WDFY4: variants seen among roughly 807,000 people sequenced by gnomAD.
WDFY4 encodes WDFY family member 4, also known as WD repeat- and FYVE domain-containing protein 4.
Under a neutral mutation model 351.9 loss-of-function variants are expected in WDFY4, and 169 were observed. The observed-to-expected ratio is 0.48, with a 90% CI of 0.42 to 0.55. The LOEUF is 0.55. Among genes scored for constraint, WDFY4 ranks in the 20% least tolerant of loss-of-function variants. The pLI, the probability that WDFY4 is intolerant of heterozygous loss-of-function variation, is 0.00. For missense variants in WDFY4, 3,803 were observed against 3,935.6 expected, an observed-to-expected ratio of 0.97 and a Z score of 0.90; for synonymous variants, 1,622 against 1,574.6, an observed-to-expected ratio of 1.03 and a Z score of -0.71.
At chr10:48,812,948 C>T (rs1219349002) in intron 30 of WDFY4, among the ~76,000 whole-genome samples, 1 of 152,178 alleles carries the variant, frequency 6.6e-6, no homozygotes, top group Non-Finnish European at 1.5e-5. Flanking sequence ...TCCCTCAGCA[C>T]TCAGCTTAGA....
At chr10:48,864,263 T>C (rs945557450) in intron 39 of WDFY4, among the ~76,000 whole-genome samples, 1 of 152,244 alleles carries the variant, frequency 6.6e-6, no homozygotes, top group Non-Finnish European at 1.5e-5. Flanking sequence ...TTTTTGTATG[T>C]TATGCAGTAA....
At chr10:48,812,179 C>CTTTTTTTTTTTT (rs1355851618) in intron 30 of WDFY4, among the ~76,000 whole-genome samples, 8 of 134,558 alleles carry the variant, frequency 5.9e-5, no homozygotes, top group African/African-American at 1.9e-4. Context: ...TCTTTCTTTT[C>CTTTTTTTTTTTT]TTTTTTTTTT....
chr10:48,843,317 GA>G (rs1320217218), intron 39 of WDFY4, among the ~76,000 whole-genome samples: 1 of 152,124 alleles, frequency 6.6e-6, no homozygotes, highest in Non-Finnish European at 1.5e-5. Context: ...TGTGATTGAG[GA>G]AAAAATTGAG....
In WDFY4 at chr10:48,850,800, C is replaced by T. The variant is rs183786146; in HGVS notation, c.6664-16465C>T. 1.7e-3 allele frequency among the ~76,000 whole-genome samples: 259 copies of T among 152,306 alleles called. 2 individuals carry two copies. Among genetic ancestry groups the T allele is most frequent in the African/African-American group, 5.8e-3 (240 of 41,566 alleles). ...GAGCTGAAAAAGAGAGATTAGCAGA[C>T]TGCTGTCAAGCTTCTGCACATCTCT... On this transcript the variant is annotated intron_variant, in intron 39 of 61. Transcript: ENST00000325239.
intron 47 of WDFY4, among the ~76,000 whole-genome samples, chr10:48,904,978 C>T (rs910747616): frequency 2.0e-5 from 3 of 152,136 alleles, no homozygotes; most frequent in East Asian, 1.9e-4. Context: ...AGTTCCAAGC[C>T]GCAGCACTCA....
intron 47 of WDFY4, among the ~76,000 whole-genome samples, chr10:48,933,953 G>A (rs1446415622): frequency 4.6e-5 from 7 of 152,216 alleles, no homozygotes; most frequent in African/African-American, 1.7e-4. Context: ...CCAAGCACCA[G>A]GCACTAACAA....
chr10:48,776,902 A>T lies in WDFY4; in HGVS notation c.3016A>T (p.Thr1006Ser), dbSNP rs1369180675. Residue 1006 changes from threonine to serine, a missense_variant, in exon 16 of 62, where the codon ACC becomes TCC. By Grantham distance (58) the Thr-to-Ser change is moderately conservative. This residue lies in a region of WDFY4 where 3,054 missense variants were observed against 3,148.6 expected (regional missense o/e 0.97). Coordinates refer to ENST00000325239, the MANE Select transcript of WDFY4 (RefSeq NM_001394531.1). ...GACGGCGCTGAGCCTCATCTCCATG[A>T]CCTCCCCACGCAACCTGCAGCCTCA... ...LQTALSLISM[T>S]SPRNLQPQRA... 1.9e-6 allele frequency: 3 copies of T among 1,551,276 alleles called. No homozygotes were observed. Among genetic ancestry groups the T allele is most frequent in the Non-Finnish European group, 1.7e-6 (2 of 1,146,922 alleles).
intron 44 of WDFY4, among the ~76,000 whole-genome samples, chr10:48,896,106 C>T (rs546331826): frequency 6.6e-6 from 1 of 152,344 alleles, no homozygotes; most frequent in East Asian, 1.9e-4. Flanking sequence ...TGTGACTGAG[C>T]AATCGCTTCA....
At chr10:48,837,930 G>A (rs2068460259) in intron 39 of WDFY4, among the ~76,000 whole-genome samples, 1 of 152,230 alleles carries the variant, frequency 6.6e-6, no homozygotes, top group Admixed American at 6.5e-5. Flanking sequence ...TGCCAGCAAA[G>A]ATTGGGGGAC....
chr10:48,874,059 T>A (rs1331285382), intron 41 of WDFY4, among the ~76,000 whole-genome samples: 1 of 152,250 alleles, frequency 6.6e-6, no homozygotes, highest in East Asian at 1.9e-4. Flanking sequence ...GGCTATTGTC[T>A]GCTCGCACAA....
intron 20 of WDFY4, among the ~76,000 whole-genome samples, chr10:48,788,158 G>T (rs946619003): frequency 2.6e-5 from 4 of 151,784 alleles, no homozygotes; most frequent in Non-Finnish European, 5.9e-5. Context: ...CTGCCAAGTA[G>T]CTGGGACTAC....
intron 19 of WDFY4, among the ~76,000 whole-genome samples, chr10:48,785,425 T>C (rs780388323): frequency 1.3e-5 from 2 of 152,244 alleles, no homozygotes; most frequent in Non-Finnish European, 2.9e-5. Flanking sequence ...TAGTCCTAGA[T>C]CCTGAAGATA....
At chr10:48,978,678 C>G (rs1328415321) in intron 60 of WDFY4, 1 of 329,662 alleles carries the variant, frequency 3.0e-6, no homozygotes, top group Admixed American at 4.7e-5. Flanking sequence ...CAGGTACAAA[C>G]CTCCCCATCA....
intron 1 of WDFY4, among the ~76,000 whole-genome samples, chr10:48,705,474 C>A (rs984245295): frequency 2.0e-5 from 3 of 152,140 alleles, no homozygotes; most frequent in Non-Finnish European, 2.9e-5. Flanking sequence ...AGGTGGGGCA[C>A]TTCTTGAGAA....
At chr10:48,714,576 TC>T (rs2063849789) in intron 2 of WDFY4, among the ~76,000 whole-genome samples, 1 of 152,216 alleles carries the variant, frequency 6.6e-6, no homozygotes, top group Non-Finnish European at 1.5e-5. Context: ...AAGAAGGTGT[TC>T]TTCTAGCAAT....
chr10:48,696,759 C>A (rs1032023435), intron 1 of WDFY4, among the ~76,000 whole-genome samples: 22 of 152,194 alleles, frequency 1.4e-4, no homozygotes, highest in African/African-American at 4.1e-4. Flanking sequence ...TTAAGAGCTT[C>A]GAGGCAGCAA....
intron 2 of WDFY4, among the ~76,000 whole-genome samples, chr10:48,710,542 A>G (rs7912944): frequency 0.2 from 31,133 of 152,154 alleles, 3,279 homozygotes; most frequent in Middle Eastern, 0.27. Context: ...AAAAAATATT[A>G]CATTGTTCCA....
rs201363175 is a variant in WDFY4, at chr10:48,877,221, G to T, written c.7167+22G>T. 7 of 1,542,788 alleles carry T rather than the reference G, an allele frequency of 4.5e-6. No homozygotes were observed. The Admixed American group carries it at 8.0e-5, about 18-fold the overall frequency. On this transcript the variant is annotated intron_variant, in intron 43 of 61. Transcript: ENST00000325239. ...AAAGGTAATATACCCCATTGCAATA[G>T]CCTTTAAGATTTTTAAGTTAGTTGT... is the stretch of plus-strand genomic sequence containing the variant.
intron 47 of WDFY4, chr10:48,910,292 G>T: frequency 1.3e-6 from 2 of 1,566,592 alleles, no homozygotes; most frequent in East Asian, 4.8e-5. Flanking sequence ...TGAGGCAATT[G>T]CTCCAGGCCA....
Sources: gnomAD v4.1 joint callset for allele counts (sites outside exome capture counted in the v4.1 genomes callset) on GRCh38, gnomAD v4.1.1 for gene constraint, gnomAD v4.1.1 regional missense constraint, MANE v1.5 for transcripts, NCBI Gene and HGNC (gene_info 2026-07-23, HGNC 2026-07-21) for gene names.